Variants in FBXO11 observed in about 807,000 individuals in gnomAD.
The protein encoded by FBXO11 is F-box protein 11, also known as F-box only protein 11.
Under a neutral mutation model 117.0 loss-of-function variants are expected in FBXO11, and 13 were observed. The observed-to-expected ratio is 0.11, with a 90% CI of 0.07 to 0.18. FBXO11 has a LOEUF of 0.18. Among genes scored for constraint, FBXO11 ranks in the 10% least tolerant of loss-of-function variants. The probability of loss-of-function intolerance (pLI) is 1.00; values close to 1 mark genes in which losing one functional copy is unlikely to be tolerated. For synonymous variants in FBXO11, 490 were observed against 380.5 expected, an observed-to-expected ratio of 1.29 and a Z score of -3.35; for missense variants, 767 against 1,164.4, an observed-to-expected ratio of 0.66 and a Z score of 4.97.
chr2:47,880,868 T>A (rs1474081336), intron 1 of FBXO11, among the ~76,000 whole-genome samples: 1 of 152,236 alleles, frequency 6.6e-6, no homozygotes, highest in Admixed American at 6.5e-5. Flanking sequence ...GTGTGTACCT[T>A]GTATAAACCA....
intron 1 of FBXO11, among the ~76,000 whole-genome samples, chr2:47,876,565 AAAG>A (rs769434846): frequency 8.5e-5 from 13 of 152,236 alleles, no homozygotes; most frequent in African/African-American, 1.9e-4. Context: ...CATTCGGAGG[AAAG>A]AAGATCCTTT....
intron 1 of FBXO11, among the ~76,000 whole-genome samples, chr2:47,856,680 A>T (rs1347378637): frequency 6.6e-6 from 1 of 152,250 alleles, no homozygotes; most frequent in Non-Finnish European, 1.5e-5. Context: ...AGCACTATAG[A>T]GGTAAAATGT....
chr2:47,896,382 T>C (rs1042373108), intron 1 of FBXO11, among the ~76,000 whole-genome samples: 4 of 151,356 alleles, frequency 2.6e-5, no homozygotes, highest in Admixed American at 1.3e-4. Flanking sequence ...CAGGCTGGAG[T>C]GCAGTGGCTC....
intron 11 of FBXO11, among the ~76,000 whole-genome samples, chr2:47,828,900 C>T (rs1314326372): frequency 6.6e-6 from 1 of 152,170 alleles, no homozygotes; most frequent in African/African-American, 2.4e-5. Context: ...AATCTAATGG[C>T]ATGAATATGC....
intron 1 of FBXO11, among the ~76,000 whole-genome samples, chr2:47,851,154 A>AAATTATC (rs1558441527): frequency 6.6e-6 from 1 of 152,058 alleles, no homozygotes; most frequent in Non-Finnish European, 1.5e-5. Context: ...CCATAGCCCC[A>AAATTATC]AATTAAGTCA....
chr2:47,899,982 A>AG (rs1387008869), intron 1 of FBXO11, among the ~76,000 whole-genome samples: 2 of 152,044 alleles, frequency 1.3e-5, no homozygotes, highest in Admixed American at 1.3e-4. Context: ...TACTCAAACT[A>AG]GGGGTTCTCA....
At chr2:47,839,876 G>A (rs1033361991) in intron 1 of FBXO11, 107 bp from the exon 2 acceptor site, 3 of 931,672 alleles carry the variant, frequency 3.2e-6, no homozygotes, top group South Asian at 3.7e-5. Flanking sequence ...GCAGATGTAA[G>A]TTTTATATGA....
At chr2:47,852,244 C>T (rs1673928910) in intron 1 of FBXO11, among the ~76,000 whole-genome samples, 1 of 152,098 alleles carries the variant, frequency 6.6e-6, no homozygotes, top group African/African-American at 2.4e-5. Context: ...CCTGCCTCGG[C>T]CTCCCAAAGT....
At chr2:47,847,895 C>T (rs1165197197) in intron 1 of FBXO11, among the ~76,000 whole-genome samples, 2 of 151,890 alleles carry the variant, frequency 1.3e-5, no homozygotes, top group Non-Finnish European at 2.9e-5. Flanking sequence ...GAGGCTGAGG[C>T]GGGTGGATCA....
chr2:47,825,596 T>A (rs927250245), intron 11 of FBXO11, among the ~76,000 whole-genome samples: 6 of 147,532 alleles, frequency 4.1e-5, no homozygotes, highest in East Asian at 2.0e-4. Flanking sequence ...TTTTTTTTTT[T>A]AGAGACAGGC....
chr2:47,874,259 T>C (rs912750855), intron 1 of FBXO11, among the ~76,000 whole-genome samples: 25 of 152,164 alleles, frequency 1.6e-4, no homozygotes, highest in South Asian at 6.2e-4. Flanking sequence ...AAATATACAT[T>C]AATCCACTGT....
At chr2:47,847,641 T>C (rs1274247424) in intron 1 of FBXO11, among the ~76,000 whole-genome samples, 2 of 151,332 alleles carry the variant, frequency 1.3e-5, no homozygotes, top group African/African-American at 4.9e-5. Context: ...CCCAGGAGGT[T>C]GCAGTAAGCC....
intron 11 of FBXO11, among the ~76,000 whole-genome samples, chr2:47,829,164 G>C (rs548774705): frequency 6.6e-6 from 1 of 152,092 alleles, no homozygotes; most frequent in South Asian, 2.1e-4. Flanking sequence ...CAAAGTGTTA[G>C]GATTACAGGC....
intron 5 of FBXO11, 81 bp downstream of exon 5, chr2:47,835,791 C>A (rs1672517342): frequency 1.7e-6 from 2 of 1,165,780 alleles, no homozygotes; most frequent in Non-Finnish European, 2.3e-6. Context: ...AGCCACCACG[C>A]CCAGCCTAAA....
intron 4 of FBXO11, among the ~76,000 whole-genome samples, chr2:47,837,946 C>CT (rs1363217196): frequency 1.3e-5 from 2 of 151,580 alleles, no homozygotes; most frequent in African/African-American, 4.9e-5. Context: ...AAAACCTGGG[C>CT]TGGGTGCAAT....
At chr2:47,830,294 A>C (rs1672084461) in intron 11 of FBXO11, among the ~76,000 whole-genome samples, 3 of 152,192 alleles carry the variant, frequency 2.0e-5, no homozygotes, top group Non-Finnish European at 1.5e-5. Context: ...GAGGGAAAGA[A>C]AGAAACTCAG....
In FBXO11 at chr2:47,901,139, A is replaced by ACATG. The variant is rs1678259512; in HGVS notation, c.232+4349_232+4350insCATG. Among the ~76,000 whole-genome samples the ACATG allele has an allele frequency of 3.8e-5, 5 of 132,226 alleles. No homozygotes were observed. In the East Asian group the frequency reaches 1.3e-3, roughly 33 times the overall value. The allele number at this position is 132,226 out of a possible 152,430, so 86.7% of individuals were successfully genotyped here. On this transcript the variant is annotated intron_variant, in intron 1 of 22. Transcript: ENST00000403359. ...TACACACGTGTGTACATGTATATAT[A>ACATG]TACACACGTGTGTACATATATACAT...
intron 19 of FBXO11, chr2:47,809,958 T>C: frequency 2.0e-6 from 1 of 501,968 alleles, no homozygotes; most frequent in Non-Finnish European, 3.5e-6. Flanking sequence ...GATACTTGGA[T>C]TTCATTTGCA....
intron 1 of FBXO11, among the ~76,000 whole-genome samples, chr2:47,842,358 G>A (rs1296167384): frequency 1.3e-5 from 2 of 152,190 alleles, no homozygotes; most frequent in Non-Finnish European, 2.9e-5. Flanking sequence ...AGGCTTAGTA[G>A]TAGCTGGCAA....
Sources: gnomAD v4.1 joint callset for allele counts (sites outside exome capture counted in the v4.1 genomes callset) on GRCh38, gnomAD v4.1.1 for gene constraint, MANE v1.5 for transcripts, NCBI Gene and HGNC (gene_info 2026-07-23, HGNC 2026-07-21) for gene names.